UROC1: variants seen among roughly 807,000 people sequenced by gnomAD.
UROC1 encodes the protein urocanate hydratase.
UROC1 carries 79 observed loss-of-function variants against 89.5 expected under a neutral mutation model. The ratio of observed to expected loss-of-function variants is 0.88; its 90% confidence interval spans 0.74 to 1.06. The LOEUF (loss-of-function observed/expected upper bound fraction) is 1.06, where lower values mean the gene tolerates loss of function less well. UROC1 is among the 50% of genes least tolerant of loss of function. The pLI is 0.00. For missense variants in UROC1, 885 were observed against 907.8 expected (o/e 0.97, Z 0.32); for synonymous variants, 361 against 354.8 (o/e 1.02, Z -0.20).
chr3:126,500,545 C>T (rs62266268), intron 11 of UROC1, 150 bp downstream of exon 11: 263,982 of 952,906 alleles, frequency 0.28, 39,753 homozygotes, highest in Middle Eastern at 0.33. Flanking sequence ...GTCATGACTC[C>T]GTCTGATGGG....
intron 9 of UROC1, among the ~76,000 whole-genome samples, chr3:126,503,222 CA>C (rs1313758561): frequency 6.6e-6 from 1 of 152,182 alleles, no homozygotes; most frequent in African/African-American, 2.4e-5. Flanking sequence ...AATGATAGGT[CA>C]AAATAGTTCA....
intron 1 of UROC1, among the ~76,000 whole-genome samples, chr3:126,512,487 G>T (rs536406126): frequency 1.3e-5 from 2 of 152,352 alleles, no homozygotes; most frequent in East Asian, 3.9e-4. Flanking sequence ...CACTTTGGGA[G>T]ACCAAGGTAG....
At chr3:126,486,898 TGTAA>T (rs1488452316) in intron 18 of UROC1, among the ~76,000 whole-genome samples, 1 of 152,134 alleles carries the variant, frequency 6.6e-6, no homozygotes, top group African/African-American at 2.4e-5. Flanking sequence ...TATGTACATG[TGTAA>T]GTGTGATGGG....
chr3:126,508,118 G>A (rs1351627507), intron 4 of UROC1, 23 bp from the exon 5 acceptor site: 1 of 1,613,228 alleles, frequency 6.2e-7, no homozygotes, highest in Non-Finnish European at 8.5e-7. Context: ...CAGAGCGTGG[G>A]GATTCTGTCA....
intron 9 of UROC1, among the ~76,000 whole-genome samples, 154 bp downstream of exon 9, chr3:126,503,841 A>G (rs1935992826): frequency 6.6e-6 from 1 of 152,166 alleles, no homozygotes; most frequent in African/African-American, 2.4e-5. Flanking sequence ...GTGCGCATGT[A>G]TATGTACATG....
chr3:126,496,469 G>C (rs955220326), intron 14 of UROC1, among the ~76,000 whole-genome samples: 1 of 152,220 alleles, frequency 6.6e-6, no homozygotes, highest in East Asian at 1.9e-4. Flanking sequence ...TGGTGGATGC[G>C]GGGGCTTTCT....
At chr3:126,496,236 G>A (rs989876181) in intron 14 of UROC1, 128 bp from the exon 15 acceptor site, 1 of 886,054 alleles carries the variant, frequency 1.1e-6, no homozygotes, top group South Asian at 1.4e-5. Context: ...AGGTGAGGGA[G>A]CCCACCCCAC....
At chr3:126,509,493 A>G in intron 3 of UROC1, 92 bp downstream of exon 3, 1 of 1,225,730 alleles carries the variant, frequency 8.2e-7, no homozygotes, top group Non-Finnish European at 1.2e-6. Context: ...ATCTATAATT[A>G]TCTCAAAATT....
intron 15 of UROC1, among the ~76,000 whole-genome samples, chr3:126,493,653 G>C (rs1186231740): frequency 1.3e-5 from 2 of 152,204 alleles, no homozygotes. Flanking sequence ...TGAGATGGAT[G>C]GTGGTGATGG....
chr3:126,496,851 T>G (rs1687482), intron 14 of UROC1, among the ~76,000 whole-genome samples: 110,825 of 152,178 alleles, frequency 0.73, 41,716 homozygotes, highest in Middle Eastern at 0.9. Context: ...ATCTGCCTGG[T>G]GGAGATGCCG....
intron 11 of UROC1, 56 bp from the exon 12 acceptor site, chr3:126,500,210 G>T: frequency 6.4e-7 from 1 of 1,571,818 alleles, no homozygotes; most frequent in Non-Finnish European, 8.7e-7. Flanking sequence ...CCTCCCCAAT[G>T]TGGCACCCTC....
At position 126,498,117 on chromosome 3, in the gene UROC1, G is replaced by T. The variant is rs775049475; in HGVS notation, c.1372C>A (p.Pro458Thr). Residue 458 changes from proline (P) to threonine (T), a missense_variant, in exon 14 of 20, where the codon CCC becomes ACC. Pro to Thr is a conservative substitution (Grantham distance 38). Transcript: ENST00000290868. ...TCGTCTGTGACCGCCAGGTCCTGGG[G>T]GTCCCCCGATGTGCACACCCAGCGG... ...PFRWVCTSGD[P>T]QDLAVTDELA... 1.2e-6 allele frequency: 2 copies of T among 1,614,168 alleles called. No individual in the cohort carries two copies. Among genetic ancestry groups the T allele is most frequent in the South Asian group, 2.2e-5 (2 of 91,084 alleles).
chr3:126,496,249 C>T, intron 14 of UROC1, 141 bp from the exon 15 acceptor site: 1 of 765,558 alleles, frequency 1.3e-6, no homozygotes, highest in East Asian at 2.7e-5. Context: ...CACCCCACCC[C>T]ACCCCTGCCT....
At chr3:126,483,701 G>A (rs953005674) in intron 18 of UROC1, among the ~76,000 whole-genome samples, 1 of 152,268 alleles carries the variant, frequency 6.6e-6, no homozygotes, top group South Asian at 2.1e-4. Context: ...TGGGCCTGTC[G>A]GCCTCGTGCC....
At chr3:126,494,523 G>C (rs72979979) in intron 15 of UROC1, among the ~76,000 whole-genome samples, 9,046 of 152,286 alleles carry the variant, frequency 0.059, 501 homozygotes, top group African/African-American at 0.15. Context: ...AAACCATTGC[G>C]TATGGATGAG....
At chr3:126,499,435 C>T (rs1935862685) in intron 12 of UROC1, 26 bp from the exon 13 acceptor site, 1 of 1,601,982 alleles carries the variant, frequency 6.2e-7, no homozygotes, top group African/African-American at 1.3e-5. Context: ...GGACAGTCAC[C>T]ACCCAAGGCA....
rs549189424 is a variant in UROC1, at chr3:126,485,243, A to G, written c.1791-1775T>C. Among the ~76,000 whole-genome samples, 88 of 152,346 alleles carry G rather than the reference A, an allele frequency of 5.8e-4. 1 individual carries two copies. In the South Asian group the frequency reaches 0.017, roughly 30 times the overall value. ...TAACACTCTACAAGCGTTCGCTATC[A>G]TCAGCTCATTTCCTCTTCACCCCTA... On this transcript the variant is annotated intron_variant, in intron 18 of 19. Coordinates refer to ENST00000290868, the MANE Select transcript of UROC1 (RefSeq NM_144639.3).
intron 6 of UROC1, among the ~76,000 whole-genome samples, chr3:126,507,288 A>G (rs995931168): frequency 6.6e-6 from 1 of 152,086 alleles, no homozygotes; most frequent in African/African-American, 2.4e-5. Flanking sequence ...TTTCACCTCA[A>G]AAGAAAAAAA....
At chr3:126,512,490 C>T (rs576346608) in intron 1 of UROC1, among the ~76,000 whole-genome samples, 2 of 152,244 alleles carry the variant, frequency 1.3e-5, no homozygotes, top group South Asian at 4.1e-4. Context: ...TTTGGGAGAC[C>T]AAGGTAGGAG....
Sources: gnomAD v4.1 joint callset for allele counts (sites outside exome capture counted in the v4.1 genomes callset) on GRCh38, gnomAD v4.1.1 for gene constraint, MANE v1.5 for transcripts, NCBI Gene and HGNC (gene_info 2026-07-23, HGNC 2026-07-21) for gene names.